The following FAM3B variants were observed in gnomAD, a reference collection of about 807,000 sequenced individuals.
FAM3B encodes FAM3 metabolism regulating signaling molecule B.
Under a neutral mutation model 28.4 loss-of-function variants are expected in FAM3B, and 29 were observed. That is an observed-to-expected ratio of 1.02 (90% CI 0.76 to 1.39). FAM3B has a LOEUF of 1.39. Ranked by LOEUF, FAM3B falls within the 40% of genes most tolerant of loss-of-function variation. The pLI, the probability that FAM3B is intolerant of heterozygous loss-of-function variation, is 0.00. For synonymous variants in FAM3B, 91 were observed against 103.0 expected, an observed-to-expected ratio of 0.88 and a Z score of 0.71; for missense variants, 266 against 293.9, an observed-to-expected ratio of 0.91 and a Z score of 0.69.
intron 1 of FAM3B, 61 bp from the exon 2 acceptor site, chr21:41,322,862 G>A (rs2145798956): frequency 6.2e-7 from 1 of 1,613,956 alleles, no homozygotes; most frequent in Middle Eastern, 1.6e-4. Context: ...GGATGGGGAG[G>A]GCCAAGGGCC....
At chr21:41,337,281 TG>T (rs1327609531) in intron 2 of FAM3B, among the ~76,000 whole-genome samples, 1 of 152,218 alleles carries the variant, frequency 6.6e-6, no homozygotes, top group Non-Finnish European at 1.5e-5. Context: ...GATTTAAATC[TG>T]AAGTGAGCAC....
intron 7 of FAM3B, among the ~76,000 whole-genome samples, chr21:41,355,532 A>G (rs2089157378): frequency 6.6e-6 from 1 of 150,854 alleles, no homozygotes; most frequent in Non-Finnish European, 1.5e-5. Context: ...TACAATATGG[A>G]TGAACCTTGA....
intron 7 of FAM3B, among the ~76,000 whole-genome samples, chr21:41,352,471 A>T (rs879925572): frequency 1.1e-4 from 16 of 151,962 alleles, no homozygotes; most frequent in Admixed American, 9.8e-4. Flanking sequence ...GAGGGGAGGG[A>T]AGGGAAGGTG....
At chr21:41,332,490 T>G (rs1228799713) in intron 2 of FAM3B, among the ~76,000 whole-genome samples, 3 of 152,218 alleles carry the variant, frequency 2.0e-5, no homozygotes, top group African/African-American at 4.8e-5. Context: ...TTTATTTTCT[T>G]GTAGTGCCCT....
chr21:41,333,762 A>G (rs574073134), intron 2 of FAM3B, among the ~76,000 whole-genome samples: 25 of 152,350 alleles, frequency 1.6e-4, no homozygotes, highest in Admixed American at 6.5e-4. Context: ...GGTAACAGGC[A>G]GAGGTTGGAG....
chr21:41,324,793 G>A (rs1207517066), intron 2 of FAM3B, among the ~76,000 whole-genome samples: 2 of 152,136 alleles, frequency 1.3e-5, no homozygotes, highest in South Asian at 2.1e-4. Context: ...AATGTGCAGC[G>A]TATGTTGAAC....
intron 7 of FAM3B, 113 bp downstream of exon 7, chr21:41,348,837 G>C: frequency 8.3e-7 from 1 of 1,210,050 alleles, no homozygotes. Context: ...AGTTGTGTCA[G>C]CTGTTTCCAT....
At position 41,306,044 on chromosome 21, in the gene FAM3B, C is replaced by A. The variant is rs185886400; in HGVS notation, n.99+1734C>A. On this transcript the variant is annotated intron_variant and non_coding_transcript_variant, in intron 1 of 9. Transcript: ENST00000479810. ...TCTCAAATCTTTGTTGTCATTTCAA[C>A]AATGTTTACAGCATCTTCACCAAGA... Among the ~76,000 whole-genome samples, 189 of 152,360 alleles carry A rather than the reference C, an allele frequency of 1.2e-3. 1 individual carries two copies. Among genetic ancestry groups the A allele is most frequent in the Middle Eastern group, 3.4e-3 (1 of 294 alleles).
At chr21:41,354,845 T>TA (rs1003323736) in intron 7 of FAM3B, among the ~76,000 whole-genome samples, 1 of 151,424 alleles carries the variant, frequency 6.6e-6, no homozygotes, top group Non-Finnish European at 1.5e-5. Flanking sequence ...ACTTAAAAGT[T>TA]AAAAAAAAAC....
chr21:41,346,065 C>T (rs2089057274), intron 5 of FAM3B: 1 of 231,956 alleles, frequency 4.3e-6, no homozygotes, highest in African/African-American at 2.4e-5. Context: ...AAAATAAAGC[C>T]ACCAGCATCC....
chr21:41,305,710 C>T (rs564799033), intron 1 of FAM3B, among the ~76,000 whole-genome samples: 5 of 152,300 alleles, frequency 3.3e-5, no homozygotes, highest in African/African-American at 1.2e-4. Flanking sequence ...TTTTAAAATA[C>T]TTTATTGCTA....
chr21:41,321,209 A>G lies in FAM3B; in HGVS notation c.20-1714A>G, dbSNP rs529908136. On this transcript the variant is annotated intron_variant, in intron 1 of 7. Coordinates refer to ENST00000357985, the MANE Select transcript of FAM3B (RefSeq NM_058186.4). ...CTGCTGCTGTCTTAGCCCACTCTGC[A>G]CTCTGTTCATCCAACAGAATTTTCT... Among the ~76,000 whole-genome samples, 50 of 152,212 alleles carry G rather than the reference A, an allele frequency of 3.3e-4. 1 individual carries two copies. Among genetic ancestry groups the G allele is most frequent in the Admixed American group, 9.8e-4 (15 of 15,254 alleles).
At chr21:41,328,040 T>G (rs2088869081) in intron 2 of FAM3B, among the ~76,000 whole-genome samples, 1 of 152,212 alleles carries the variant, frequency 6.6e-6, no homozygotes, top group African/African-American at 2.4e-5. Context: ...TGGAAGTGTT[T>G]CTGAGACACA....
intron 3 of FAM3B, among the ~76,000 whole-genome samples, chr21:41,342,559 G>C (rs919908716): frequency 1.3e-5 from 2 of 152,122 alleles, no homozygotes; most frequent in Non-Finnish European, 2.9e-5. Flanking sequence ...GGACAGAGTT[G>C]TTTTCCATTC....
intron 7 of FAM3B, among the ~76,000 whole-genome samples, chr21:41,356,120 G>C (rs1206044654): frequency 6.6e-6 from 1 of 150,930 alleles, no homozygotes; most frequent in Non-Finnish European, 1.5e-5. Context: ...CTAAACATTA[G>C]AGCTACACTG....
intron 7 of FAM3B, among the ~76,000 whole-genome samples, chr21:41,349,606 A>C (rs758536836): frequency 2.0e-5 from 3 of 152,110 alleles, no homozygotes; most frequent in Non-Finnish European, 4.4e-5. Context: ...TGTGCTGTGG[A>C]TACGGGTCTG....
chr21:41,347,748 T>TGAA (rs2089076835), intron 6 of FAM3B, among the ~76,000 whole-genome samples: 1 of 74,794 alleles, frequency 1.3e-5, no homozygotes, highest in Non-Finnish European at 2.5e-5. Context: ...CGAGACTGTC[T>TGAA]CAAAAAAAAA....
chr21:41,309,344 A>G (rs747656678), intron 1 of FAM3B, among the ~76,000 whole-genome samples: 1 of 152,174 alleles, frequency 6.6e-6, no homozygotes, highest in Admixed American at 6.5e-5. Context: ...ACTCAAGTTC[A>G]TGAGAGTTGG....
intron 3 of FAM3B, among the ~76,000 whole-genome samples, chr21:41,343,528 G>A (rs1018613488): frequency 6.6e-6 from 1 of 152,120 alleles, no homozygotes; most frequent in African/African-American, 2.4e-5. Flanking sequence ...ACTAAGCCTA[G>A]AAAACTCATA....
Sources: gnomAD v4.1 joint callset for allele counts (sites outside exome capture counted in the v4.1 genomes callset) on GRCh38, gnomAD v4.1.1 for gene constraint, MANE v1.5 for transcripts, NCBI Gene and HGNC (gene_info 2026-07-23, HGNC 2026-07-21) for gene names.